Variants in C14orf93 observed in about 807,000 individuals in gnomAD.
The protein encoded by C14orf93 is chromosome 14 open reading frame 93.
In C14orf93, 23 loss-of-function variants were observed where a neutral mutation model predicts 44.0. That is an observed-to-expected ratio of 0.52 (90% CI 0.38 to 0.74). The LOEUF (loss-of-function observed/expected upper bound fraction) is 0.74, where lower values mean the gene tolerates loss of function less well. Ranked by LOEUF, C14orf93 falls within the 30% of genes least tolerant of loss-of-function variation. The probability of loss-of-function intolerance (pLI) is 0.00; values close to 1 mark genes in which losing one functional copy is unlikely to be tolerated. For missense variants in C14orf93, 579 were observed against 678.9 expected (o/e 0.85, Z 1.64); for synonymous variants, 253 against 265.7 (o/e 0.95, Z 0.46).
intron 1 of C14orf93, among the ~76,000 whole-genome samples, chr14:23,009,449 C>T (rs2046778931): frequency 6.6e-6 from 1 of 152,018 alleles, no homozygotes. Flanking sequence ...CACAAATAAC[C>T]CCAAGTTATA....
intron 3 of C14orf93, among the ~76,000 whole-genome samples, chr14:22,991,723 C>A (rs759570288): frequency 2.6e-5 from 4 of 151,644 alleles, no homozygotes; most frequent in Non-Finnish European, 5.9e-5. Context: ...GGTGCACCAC[C>A]ACCACATCCA....
At chr14:22,998,279 C>G (rs2046111382) in intron 2 of C14orf93, 148 bp downstream of exon 2, 2 of 1,172,118 alleles carry the variant, frequency 1.7e-6, no homozygotes, top group African/African-American at 1.6e-5. Context: ...GCTGACTATC[C>G]CTGAAGGAAA....
chr14:23,006,189 T>C (rs2046611880), intron 1 of C14orf93: 1 of 152,194 alleles, frequency 6.6e-6, no homozygotes, highest in South Asian at 2.1e-4. Flanking sequence ...TCCTGCTGTG[T>C]TGGTCAGTCC....
At position 22,996,818 on chromosome 14, in the gene C14orf93, G is replaced by C. The variant is rs140440070; in HGVS notation, c.598-550C>G. On this transcript the variant is annotated intron_variant, in intron 2 of 6. Transcript: ENST00000299088. The surrounding 1 kb of genome is among the most constrained non-coding windows in gnomAD (Gnocchi z 4.1). ...CCTTGATCCTGCCCCGGCCACATTC[G>C]ACTGTCATAGCCCCTGACATCTACC... Among the ~76,000 whole-genome samples the C allele has an allele frequency of 5.3e-5, 8 of 152,156 alleles. No individual in the cohort carries two copies. The highest frequency in any genetic ancestry group is 1.2e-4 in the African/African-American group (5 of 41,530).
At chr14:22,988,695 T>G (rs1258222996) in intron 5 of C14orf93, among the ~76,000 whole-genome samples, 1 of 151,922 alleles carries the variant, frequency 6.6e-6, no homozygotes, top group Non-Finnish European at 1.5e-5. Flanking sequence ...TTTGCCCACC[T>G]CCATCTCCAA....
Position 22,987,464 on chromosome 14 carries a change from G to A in C14orf93, c.1368C>T (p.Cys456=), listed in dbSNP as rs1213403802. The A allele has an allele frequency of 1.2e-6, 2 of 1,614,262 alleles. No individual in the cohort carries two copies. Among genetic ancestry groups the A allele is most frequent in the Middle Eastern group, 1.6e-4 (1 of 6,062 alleles). ...RFRAQRLTEL[C]YHLDANSKHG... is the part of the protein sequence containing the mutation. ...GCTTAGAGTTAGCATCCAGGTGGTA[G>A]CAGAGCTCTGTGAGGCGCTGGGCCC... The change falls in exon 7 of 7, where the codon TGC becomes TGT. Residue 456 remains cysteine, a synonymous_variant. Coordinates refer to ENST00000299088, the MANE Select transcript of C14orf93 (RefSeq NM_021944.4). This position sits in a 1 kb window ranked among gnomAD's most constrained non-coding sequence, Gnocchi z 5.6.
chr14:22,993,949 C>G (rs2045813030), intron 3 of C14orf93: 1 of 152,308 alleles, frequency 6.6e-6, no homozygotes, highest in South Asian at 2.1e-4. Flanking sequence ...AAACCTTCCT[C>G]CATGATGGGC....
Position 22,998,736 on chromosome 14 carries a change from T to C in C14orf93, c.288A>G (p.Glu96=), listed in dbSNP as rs146239020. Residue 96 remains glutamate (E), a synonymous_variant, in exon 2 of 7, where the codon GAA becomes GAG. Transcript: ENST00000299088. ...NNELLKRLQE[E]VGDLRQGKVS... ...CTTTCCCTTGCCTCAGGTCACCCAC[T>C]TCCTCCTGGAGACGTTTTAACAACT... 3,241 of 1,614,210 alleles carry C rather than the reference T, an allele frequency of 2.0e-3. 6 individuals carry two copies. Among genetic ancestry groups the C allele is most frequent in the Non-Finnish European group, 2.6e-3 (3,051 of 1,180,020 alleles).
At position 23,007,328 on chromosome 14, in the gene C14orf93, C is replaced by T. The variant is rs970408146; in HGVS notation, c.-380+2773G>A. 6.6e-5 allele frequency among the ~76,000 whole-genome samples: 10 copies of T among 152,310 alleles called. 1 individual carries two copies. Among genetic ancestry groups the T allele is most frequent in the Middle Eastern group, 6.8e-3 (2 of 292 alleles). The stretch of plus-strand genomic sequence containing the variant: ...GAGGGACAAGACTGTGAGGCTTTTT[C>T]AAGGCCGTCAGACGCCATCTTTAGC... On this transcript the variant is annotated intron_variant, in intron 1 of 6. Coordinates refer to ENST00000299088, the MANE Select transcript of C14orf93 (RefSeq NM_021944.4).
chr14:22,987,648 C>G lies in C14orf93; in HGVS notation c.1198-14G>C. ...GTTGGCAAAAAGCTAAGGCAGGAAC[C>G]CAGGAGATAGATTAGGAAGGTAAAC... On this transcript the variant is annotated splice_polypyrimidine_tract_variant and intron_variant, in intron 6 of 6. Transcript: ENST00000299088. The surrounding 1 kb of genome is among the most constrained non-coding windows in gnomAD (Gnocchi z 5.6). 2 of 1,563,664 alleles carry G rather than the reference C, an allele frequency of 1.3e-6. No individual in the cohort carries two copies. The highest frequency in any genetic ancestry group is 1.7e-6 in the Non-Finnish European group (2 of 1,156,886).
Position 22,998,839 on chromosome 14 carries a change from A to C in C14orf93, c.185T>G (p.Leu62Arg). 1 of 1,614,094 alleles carries C rather than the reference A, an allele frequency of 6.2e-7. No individual in the cohort carries two copies. The highest frequency in any genetic ancestry group is 1.1e-5 in the South Asian group (1 of 91,070). The change falls in exon 2 of 7, where the codon CTG becomes CGG. Residue 62 changes from leucine to arginine, a missense_variant. Coordinates refer to ENST00000299088, the MANE Select transcript of C14orf93 (RefSeq NM_021944.4). ...GLAVQSSEQL[L>R]HVIYQRVDKA... ...ATCGACCCGCTGGTAGATAACATGCAGGAGCTGCTCTGAGCTCTGAACAGC... is the reference window on the plus strand; with the variant it reads ...ATCGACCCGCTGGTAGATAACATGCCGGAGCTGCTCTGAGCTCTGAACAGC...
Position 22,987,677 on chromosome 14 carries a change from C to T in C14orf93, c.1198-43G>A. ...GAGATAGATTAGGAAGGTAAACATT[C>T]TATGGATTAGATTTGGGGAAAAGGT... On this transcript the variant is annotated intron_variant, in intron 6 of 6. Coordinates refer to ENST00000299088, the MANE Select transcript of C14orf93 (RefSeq NM_021944.4). This position sits in a 1 kb window ranked among gnomAD's most constrained non-coding sequence, Gnocchi z 5.6. 6.6e-7 allele frequency: 1 copy of T among 1,525,232 alleles called. No homozygotes were observed. The highest frequency in any genetic ancestry group is 8.8e-7 in the Non-Finnish European group (1 of 1,138,106). 94.5% of individuals were successfully genotyped at this position (1,525,232 alleles called of 1,614,324 possible).
intron 3 of C14orf93, chr14:22,993,906 C>G (rs904374983): frequency 6.6e-6 from 1 of 152,272 alleles, no homozygotes; most frequent in African/African-American, 2.4e-5. Flanking sequence ...GTCCCTCCCC[C>G]TCTAAACCCA....
intron 3 of C14orf93, among the ~76,000 whole-genome samples, chr14:22,994,774 C>T (rs2045873859): frequency 1.3e-5 from 2 of 151,860 alleles, no homozygotes; most frequent in African/African-American, 4.8e-5. Context: ...AGAGTTGATC[C>T]CAAAGACTGT....
At position 22,998,954 on chromosome 14, in the gene C14orf93, A is replaced by G. The variant is rs1006646947; in HGVS notation, c.70T>C (p.Cys24Arg). 1 of 1,613,692 alleles carries G rather than the reference A, an allele frequency of 6.2e-7. No individual in the cohort carries two copies. Among genetic ancestry groups the G allele is most frequent in the South Asian group, 1.1e-5 (1 of 91,082 alleles). Residue 24 changes from cysteine to arginine, a missense_variant, in exon 2 of 7, where the codon TGT becomes CGT. Coordinates refer to ENST00000299088, the MANE Select transcript of C14orf93 (RefSeq NM_021944.4). Reference sequence around the variant, plus strand: ...TTGCCTCCATTAGTCTCACTCTTACAGGCGCAGCAGCAGCATCTGGCCTCG... The same window carrying G: ...TTGCCTCCATTAGTCTCACTCTTACGGGCGCAGCAGCAGCATCTGGCCTCG... ...GSEARCCCCACKSETNGGNTG... is the reference protein window; with the variant it reads ...GSEARCCCCARKSETNGGNTG...
chr14:22,992,835 G>A (rs1314092137), intron 3 of C14orf93, among the ~76,000 whole-genome samples: 1 of 150,898 alleles, frequency 6.6e-6, no homozygotes, highest in Non-Finnish European at 1.5e-5. Flanking sequence ...CACCCACCTC[G>A]GCTTCCCAAA....
chr14:22,994,600 T>C (rs2045860098), intron 3 of C14orf93, among the ~76,000 whole-genome samples: 1 of 151,238 alleles, frequency 6.6e-6, no homozygotes, highest in Non-Finnish European at 1.5e-5. Flanking sequence ...TGGTGGTGCA[T>C]GCCTGTAATC....
Position 23,002,296 on chromosome 14 carries a change from CA to C in C14orf93, c.-379-2895del, listed in dbSNP as rs370512201. Among the ~76,000 whole-genome samples the C allele has an allele frequency of 2.4e-3, 360 of 151,120 alleles. 1 individual carries two copies. Among genetic ancestry groups the C allele is most frequent in the African/African-American group, 8.3e-3 (343 of 41,156 alleles). On this transcript the variant is annotated intron_variant, in intron 1 of 6. Transcript: ENST00000299088. ...TGAAACCCTATCTCTACTAAAAATA[CA>C]AAAAAATTGCCAGGCATGGTGATAC... is the stretch of plus-strand genomic sequence containing the variant.
intron 1 of C14orf93, chr14:23,001,115 C>T (rs917196489): frequency 6.6e-6 from 1 of 152,210 alleles, no homozygotes; most frequent in East Asian, 1.9e-4. Context: ...AGATGAATCA[C>T]TTATGTATTC....
Sources: gnomAD v4.1 joint callset for allele counts (sites outside exome capture counted in the v4.1 genomes callset) on GRCh38, gnomAD v4.1.1 for gene constraint, Gnocchi (gnomAD v3.1) non-coding constraint, MANE v1.5 for transcripts, NCBI Gene and HGNC (gene_info 2026-07-23, HGNC 2026-07-21) for gene names.